The following LPIN3 variants were observed in gnomAD, a reference collection of about 807,000 sequenced individuals.
The protein encoded by LPIN3 is lipin 3.
In LPIN3, 82 loss-of-function variants were observed where a neutral mutation model predicts 94.7. That is an observed-to-expected ratio of 0.87 (90% CI 0.72 to 1.04). The LOEUF is 1.04. LPIN3 is among the 50% of genes least tolerant of loss of function. The pLI, the probability that LPIN3 is intolerant of heterozygous loss-of-function variation, is 0.00. For synonymous variants in LPIN3, 418 were observed against 443.3 expected, an observed-to-expected ratio of 0.94 and a Z score of 0.72; for missense variants, 996 against 1,090.5, an observed-to-expected ratio of 0.91 and a Z score of 1.22.
intron 1 of LPIN3, among the ~76,000 whole-genome samples, chr20:41,341,971 C>A (rs1220670709): frequency 6.6e-6 from 1 of 151,992 alleles, no homozygotes; most frequent in East Asian, 1.9e-4. Flanking sequence ...GGCAAGACTC[C>A]ATCTCAAAAA....
At chr20:41,346,618 G>A (rs1235997770) in intron 2 of LPIN3, among the ~76,000 whole-genome samples, 1 of 152,166 alleles carries the variant, frequency 6.6e-6, no homozygotes, top group African/African-American at 2.4e-5. Context: ...GTGGGCACCT[G>A]TAATCCCAGC....
chr20:41,357,921 T>C lies in LPIN3; in HGVS notation c.2079T>C (p.Ile693=), dbSNP rs746361751. ...YKFLYCSARA[I]GMADLTKGYL... ...TCCTGTACTGCTCGGCGCGGGCCAT[T>C]GGCATGGCGGACCTCACCAAGGGGT... The change falls in exon 17 of 20, where the codon ATT becomes ATC. Residue 693 remains isoleucine, a synonymous_variant. Transcript: ENST00000373257. The C allele has an allele frequency of 1.2e-6, 2 of 1,614,102 alleles. No individual in the cohort carries two copies. The highest frequency in any genetic ancestry group is 1.7e-6 in the Non-Finnish European group (2 of 1,179,982).
At chr20:41,353,711 C>A (rs764677730) in intron 11 of LPIN3, among the ~76,000 whole-genome samples, 2 of 152,274 alleles carry the variant, frequency 1.3e-5, no homozygotes, top group Non-Finnish European at 2.9e-5. Flanking sequence ...CTGTGCCAAC[C>A]TGCACCTGCC....
chr20:41,347,528 C>G (rs750682543), intron 2 of LPIN3, 24 bp from the exon 3 acceptor site: 1 of 1,611,590 alleles, frequency 6.2e-7, no homozygotes, highest in Non-Finnish European at 8.5e-7. Flanking sequence ...GGCCCATGTC[C>G]CTGCCACCGC....
chr20:41,345,654 G>T (rs1030032562), intron 1 of LPIN3, 142 bp from the exon 2 acceptor site: 1 of 846,580 alleles, frequency 1.2e-6, no homozygotes, highest in East Asian at 2.7e-5. Flanking sequence ...ACCTCCCATC[G>T]CACAGCTGCT....
intron 15 of LPIN3, 86 bp from the exon 16 acceptor site, chr20:41,357,275 A>G: frequency 1.3e-6 from 2 of 1,599,922 alleles, no homozygotes; most frequent in Non-Finnish European, 1.7e-6. Context: ...GAGTGAGAGG[A>G]GCCCTCCCTT....
chr20:41,343,666 G>T (rs529257238), intron 1 of LPIN3, among the ~76,000 whole-genome samples: 7 of 152,356 alleles, frequency 4.6e-5, no homozygotes, highest in Admixed American at 2.0e-4. Context: ...GGGTCTTGTC[G>T]TTTAGGCTCT....
chr20:41,343,952 C>T (rs1000218981), intron 1 of LPIN3, among the ~76,000 whole-genome samples: 1 of 152,046 alleles, frequency 6.6e-6, no homozygotes, highest in Non-Finnish European at 1.5e-5. Context: ...GTCCCAGCTA[C>T]TCAGGAGGCT....
intron 1 of LPIN3, among the ~76,000 whole-genome samples, chr20:41,341,207 A>G (rs371488061): frequency 3.3e-5 from 5 of 152,224 alleles, no homozygotes; most frequent in African/African-American, 1.2e-4. Context: ...GACACCCAGA[A>G]CGTAGAGTCT....
chr20:41,347,755 C>G (rs1356149860), intron 3 of LPIN3, 108 bp downstream of exon 3: 1 of 954,886 alleles, frequency 1.0e-6, no homozygotes, highest in African/African-American at 1.6e-5. Flanking sequence ...CGGGAGCACC[C>G]CACCAGCAGA....
In LPIN3 at chr20:41,357,191, G is replaced by A; in HGVS notation, c.1952+3G>A. ...GACATCGACGGCACCATCACCAAGT[G>A]AGGCCCACCCAGCTGTGGGAAGGGG... On this transcript the variant is annotated splice_donor_region_variant and intron_variant, in intron 15 of 19. Transcript: ENST00000373257. The A allele has an allele frequency of 6.2e-7, 1 of 1,613,910 alleles. No homozygotes were observed. The highest frequency in any genetic ancestry group is 8.5e-7 in the Non-Finnish European group (1 of 1,179,986).
Position 41,348,892 on chromosome 20 carries a change from G to A in LPIN3, c.557+5G>A. 6.2e-7 allele frequency: 1 copy of A among 1,601,146 alleles called. No homozygotes were observed. The highest frequency in any genetic ancestry group is 8.5e-7 in the Non-Finnish European group (1 of 1,173,300). ...GCTGAGGCCAGAGCCCCCAGGGTGT[G>A]TAAGGACCAAGGGACTTGAACCCCA... is the stretch of plus-strand genomic sequence containing the variant. On this transcript the variant is annotated splice_donor_5th_base_variant and intron_variant, in intron 4 of 19. Transcript: ENST00000373257.
intron 11 of LPIN3, 79 bp downstream of exon 11, chr20:41,352,946 G>A: frequency 1.3e-6 from 2 of 1,510,478 alleles, no homozygotes; most frequent in Non-Finnish European, 1.8e-6. Context: ...GCAAGGAAGT[G>A]AAGGGTGAGC....
Position 41,347,615 on chromosome 20 carries a change from G to C in LPIN3, c.256G>C (p.Ala86Pro). The C allele has an allele frequency of 1.2e-6, 2 of 1,614,094 alleles. No individual in the cohort carries two copies. The highest frequency in any genetic ancestry group is 1.7e-6 in the Non-Finnish European group (2 of 1,179,994). ...LHMKLGDSGE[A>P]FFVQELESDD... ...CATGAAGCTTGGGGACAGCGGGGAG[G>C]CCTTCTTTGTTCAGGAGCTGGAGAG... The change falls in exon 3 of 20, where the codon GCC (alanine) becomes CCC (proline). Residue 86 changes from alanine to proline, a missense_variant. By Grantham distance (27) the Ala-to-Pro change is conservative. Coordinates refer to ENST00000373257, the MANE Select transcript of LPIN3 (RefSeq NM_022896.3).
chr20:41,349,385 A>C (rs909561982), intron 5 of LPIN3, among the ~76,000 whole-genome samples: 8 of 151,912 alleles, frequency 5.3e-5, no homozygotes, highest in Non-Finnish European at 1.0e-4. Context: ...ACTATTTCAA[A>C]GTGTATACAG....
intron 11 of LPIN3, among the ~76,000 whole-genome samples, chr20:41,353,078 G>A (rs2046085392): frequency 6.6e-6 from 1 of 152,226 alleles, no homozygotes. Context: ...GAATCCTGTT[G>A]TATTTAAACT....
intron 13 of LPIN3, among the ~76,000 whole-genome samples, chr20:41,355,107 C>T (rs926523618): frequency 6.6e-6 from 1 of 152,096 alleles, no homozygotes; most frequent in African/African-American, 2.4e-5. Flanking sequence ...CTCCACCTCC[C>T]GGGTTCAAGC....
intron 13 of LPIN3, among the ~76,000 whole-genome samples, chr20:41,355,681 G>A (rs777620096): frequency 3.5e-4 from 53 of 152,134 alleles, no homozygotes; most frequent in Non-Finnish European, 8.8e-5. Context: ...CCTGGGTCTC[G>A]GCACCCTCTG....
At chr20:41,346,507 G>A (rs1442856082) in intron 2 of LPIN3, among the ~76,000 whole-genome samples, 3 of 152,194 alleles carry the variant, frequency 2.0e-5, no homozygotes, top group Non-Finnish European at 2.9e-5. Context: ...TTGGGAGGCC[G>A]ACGCTGGTGG....
Sources: allele counts gnomAD v4.1 joint callset (sites outside exome capture counted in the v4.1 genomes callset), GRCh38; gene constraint gnomAD v4.1.1; transcripts MANE v1.5; gene names NCBI Gene and HGNC (gene_info 2026-07-23, HGNC 2026-07-21).